The following MRPL44 variants were observed in gnomAD, a reference collection of about 807,000 sequenced individuals.
The protein encoded by MRPL44 is mitochondrial ribosomal protein L44, also known as large ribosomal subunit protein mL44.
Under a neutral mutation model 25.9 loss-of-function variants are expected in MRPL44, and 21 were observed. That is an observed-to-expected ratio of 0.81 (90% CI 0.58 to 1.17). The LOEUF (loss-of-function observed/expected upper bound fraction) is 1.17, where lower values mean the gene tolerates loss of function less well. Among genes scored for constraint, MRPL44 ranks in the 50% most tolerant of loss-of-function variants. The probability of loss-of-function intolerance (pLI) is 0.00; values close to 1 mark genes in which losing one functional copy is unlikely to be tolerated. For synonymous variants in MRPL44, 169 were observed against 151.0 expected (o/e 1.12, Z -0.87); for missense variants, 410 against 398.9 (o/e 1.03, Z -0.24).
In MRPL44 at chr2:223,967,141, T is replaced by A; in HGVS notation, c.*107T>A. 1 of 1,157,480 alleles carries A rather than the reference T, an allele frequency of 8.6e-7. No individual in the cohort carries two copies. The highest frequency in any genetic ancestry group is 2.9e-5 in the Admixed American group (1 of 34,548). 71.7% of individuals were successfully genotyped at this position (1,157,480 alleles called of 1,614,324 possible). On this transcript the variant is annotated 3_prime_UTR_variant, in exon 4 of 4. Transcript: ENST00000258383. The stretch of plus-strand genomic sequence containing the variant: ...ATTGTGAAGAAATAGATGTTTTGTT[T>A]CTGTTTTTTACTGTGTTCCCAAAAT...
chr2:223,957,174 G>A (rs1342848800), upstream of MRPL44, among the ~76,000 whole-genome samples: 1 of 152,280 alleles, frequency 6.6e-6, no homozygotes. Flanking sequence ...GAACAAGAGA[G>A]TGACAGGGTG....
rs146424073 is a variant in MRPL44, at chr2:223,966,463, T to C, written c.828-400T>C. Among the ~76,000 whole-genome samples, 1,026 of 152,276 alleles carry C rather than the reference T, an allele frequency of 6.7e-3. 6 individuals carry two copies. The highest frequency in any genetic ancestry group is 0.012 in the Non-Finnish European group (848 of 67,998). ...AGTTTCAGGTTTTTGTAAGGAGATA[T>C]TTATTTTTCCCAAGTTATATCACAC... On this transcript the variant is annotated intron_variant, in intron 3 of 3. Coordinates refer to ENST00000258383, the MANE Select transcript of MRPL44 (RefSeq NM_022915.5).
upstream of MRPL44, among the ~76,000 whole-genome samples, chr2:223,955,283 G>A (rs1482360318): frequency 6.6e-6 from 1 of 152,142 alleles, no homozygotes; most frequent in Admixed American, 6.5e-5. Context: ...ATATTTATCA[G>A]TAACTCCAAT....
chr2:223,956,185 C>T (rs541384055), upstream of MRPL44, among the ~76,000 whole-genome samples: 2 of 152,178 alleles, frequency 1.3e-5, no homozygotes, highest in East Asian at 1.9e-4. Context: ...GAAGGTCAAT[C>T]GTAACCTCCT....
Position 223,959,929 on chromosome 2 carries a change from A to G in MRPL44, c.575A>G (p.Gln192Arg). The change falls in exon 2 of 4, where the codon CAG (glutamine) becomes CGG (arginine). Residue 192 changes from glutamine (Q) to arginine (R), a missense_variant. Physicochemically the swap from Gln to Arg is conservative, Grantham distance 43. Transcript: ENST00000258383. ...TTCCCAGTGCCCCCAGCTGTGTTAC[A>G]GCAGACTTTCTTTGCAGTTATTGGA... The part of the protein sequence containing the change: ...EEFPVPPAVL[Q>R]QTFFAVIGAL... 2.5e-6 allele frequency: 4 copies of G among 1,614,256 alleles called. No homozygotes were observed. Among genetic ancestry groups the G allele is most frequent in the Admixed American group, 1.7e-5 (1 of 60,034 alleles).
chr2:223,962,241 T>A (rs1247871972), intron 2 of MRPL44, among the ~76,000 whole-genome samples: 1 of 152,178 alleles, frequency 6.6e-6, no homozygotes, highest in Non-Finnish European at 1.5e-5. Flanking sequence ...GTGTTCAAGC[T>A]GGTCTTGAAC....
chr2:223,967,205 G>T lies in MRPL44; in HGVS notation c.*171G>T. The T allele has an allele frequency of 2.0e-5, 13 of 657,988 alleles. No individual in the cohort carries two copies. The highest frequency in any genetic ancestry group is 8.6e-5 in the South Asian group (3 of 34,702). 40.8% of individuals were successfully genotyped at this position (657,988 alleles called of 1,614,324 possible). On this transcript the variant is annotated 3_prime_UTR_variant, in exon 4 of 4. Transcript: ENST00000258383. ...ACCAAGTCACAGTGTTTTTGGTTTT[G>T]TTTTTCTGAAATCTTGGTTTGATCA... is the stretch of plus-strand genomic sequence containing the variant.
chr2:223,955,567 C>A (rs1689552755), upstream of MRPL44, among the ~76,000 whole-genome samples: 1 of 152,140 alleles, frequency 6.6e-6, no homozygotes, highest in South Asian at 2.1e-4. Flanking sequence ...AAGCAATATC[C>A]CTGGCATCAA....
At chr2:223,953,260 G>A (rs954525135), upstream of MRPL44, among the ~76,000 whole-genome samples, 1 of 151,144 alleles carries the variant, frequency 6.6e-6, no homozygotes, top group Non-Finnish European at 1.5e-5. Context: ...TCAGCCTCTC[G>A]AGTAGCTGGG....
At chr2:223,959,112 C>T (rs537760026) in intron 1 of MRPL44, among the ~76,000 whole-genome samples, 1 of 152,286 alleles carries the variant, frequency 6.6e-6, no homozygotes, top group African/African-American at 2.4e-5. Flanking sequence ...TGGAACCAAT[C>T]CCCTACAGAT....
chr2:223,958,938 T>C (rs1203514733), intron 1 of MRPL44, among the ~76,000 whole-genome samples: 2 of 152,194 alleles, frequency 1.3e-5, no homozygotes, highest in East Asian at 3.9e-4. Context: ...AGACACAAAG[T>C]GAGCACATGC....
At chr2:223,953,695 T>G (rs527256379), upstream of MRPL44, among the ~76,000 whole-genome samples, 4 of 152,354 alleles carry the variant, frequency 2.6e-5, no homozygotes, top group African/African-American at 9.6e-5. Context: ...GAAAGAAGAC[T>G]TGGTAATTTT....
chr2:223,953,498 A>G (rs570578559), upstream of MRPL44, among the ~76,000 whole-genome samples: 1 of 152,228 alleles, frequency 6.6e-6, no homozygotes, highest in Non-Finnish European at 1.5e-5. Flanking sequence ...GGAAATACTT[A>G]TAAAACTTTT....
At chr2:223,957,303 C>A (rs1205041238), upstream of MRPL44, 8 of 753,064 alleles carry the variant, frequency 1.1e-5, no homozygotes, top group Admixed American at 2.1e-4. Flanking sequence ...CGCAATCACC[C>A]CGCCCCGGGG....
chr2:223,963,624 A>T (rs1244061534), intron 2 of MRPL44, 132 bp from the exon 3 acceptor site: 5 of 523,290 alleles, frequency 9.6e-6, no homozygotes, highest in African/African-American at 7.9e-5. Flanking sequence ...TTCGTTTCCC[A>T]TTAAGTTTTA....
chr2:223,958,948 C>G (rs1689612859), intron 1 of MRPL44, among the ~76,000 whole-genome samples: 1 of 152,172 alleles, frequency 6.6e-6, no homozygotes. Flanking sequence ...TGAGCACATG[C>G]AGAATTGCTA....
At chr2:223,964,447 TA>T (rs1689712860) in intron 3 of MRPL44, among the ~76,000 whole-genome samples, 1 of 152,206 alleles carries the variant, frequency 6.6e-6, no homozygotes, top group Admixed American at 6.5e-5. Context: ...GTGTTAAATG[TA>T]AATATTGAAT....
upstream of MRPL44, among the ~76,000 whole-genome samples, chr2:223,953,770 C>A (rs2106113458): frequency 6.6e-6 from 1 of 152,342 alleles, no homozygotes; most frequent in Non-Finnish European, 1.5e-5. Context: ...TTTTACACTG[C>A]AGGCCAGCAT....
intron 1 of MRPL44, among the ~76,000 whole-genome samples, chr2:223,958,779 C>T (rs1045436331): frequency 1.3e-5 from 2 of 152,154 alleles, no homozygotes; most frequent in Non-Finnish European, 2.9e-5. Context: ...GACAATAAAA[C>T]GAGTCACATG....
Sources: gnomAD v4.1 joint callset for allele counts (sites outside exome capture counted in the v4.1 genomes callset) on GRCh38, gnomAD v4.1.1 for gene constraint, MANE v1.5 for transcripts, NCBI Gene and HGNC (gene_info 2026-07-23, HGNC 2026-07-21) for gene names.